The following MYH2 variants were observed in gnomAD, a reference collection of about 807,000 sequenced individuals.
MYH2 encodes the protein myosin-2.
A neutral mutation model predicts 228.1 loss-of-function variants in MYH2; 139 were observed. The ratio of observed to expected loss-of-function variants is 0.61; its 90% CI spans 0.53 to 0.70. MYH2 has a LOEUF of 0.70. Among genes scored for constraint, MYH2 ranks in the 30% least tolerant of loss-of-function variants. The probability of loss-of-function intolerance (pLI) is 0.00; values close to 1 mark genes in which losing one functional copy is unlikely to be tolerated. For synonymous variants in MYH2, 796 were observed against 871.1 expected (o/e 0.91, Z 1.52); for missense variants, 1,809 against 2,357.5 (o/e 0.77, Z 4.82).
At chr17:10,540,332 T>C (rs1319551951) in intron 11 of MYH2, among the ~76,000 whole-genome samples, 2 of 148,338 alleles carry the variant, frequency 1.3e-5, no homozygotes, top group South Asian at 2.2e-4. Context: ...TTTTGAGAGA[T>C]GGTAGGAATC....
rs540845374 is a variant in MYH2 at position 10,538,099 on chromosome 17, T to C, written c.1417-264A>G. Among the ~76,000 whole-genome samples the C allele has an allele frequency of 2.0e-5, 3 of 152,314 alleles. No homozygotes were observed. In the South Asian group the frequency reaches 6.2e-4, roughly 32 times the overall value. ...CTGCATTTGCTTAAGTTTATTCAGGTATTTTCCTGAGTACCTACTTAATCA... is the reference window on the plus strand; with the variant it reads ...CTGCATTTGCTTAAGTTTATTCAGGCATTTTCCTGAGTACCTACTTAATCA... On this transcript the variant is annotated intron_variant, in intron 14 of 39. Transcript: ENST00000245503.
At chr17:10,527,148 A>C in intron 28 of MYH2, 92 bp from the exon 29 acceptor site, 1 of 1,133,616 alleles carries the variant, frequency 8.8e-7, no homozygotes. Flanking sequence ...TTATTTTCCC[A>C]AATTGAGTGC....
At position 10,545,484 on chromosome 17, in the gene MYH2, A is replaced by C; in HGVS notation, c.367T>G (p.Cys123Gly). The stretch of plus-strand genomic sequence containing the variant: ...CACTTGTAGGGGTTGACAGTGACAC[A>C]GAAGAGACCTGAATAGGTCTATGAG... ...WMIYTYSGLF[C>G]VTVNPYKWLP... The change falls in exon 5 of 40, where the codon TGT becomes GGT. Residue 123 changes from cysteine to glycine, a missense_variant. Physicochemically the swap from Cys to Gly is radical, Grantham distance 159 (BLOSUM62 -3). This residue lies in a region of MYH2 where 373 missense variants were observed against 620.4 expected (regional missense o/e 0.60). Coordinates refer to ENST00000245503, the MANE Select transcript of MYH2 (RefSeq NM_017534.6). 1 of 1,614,094 alleles carries C rather than the reference A, an allele frequency of 6.2e-7. No individual in the cohort carries two copies. The highest frequency in any genetic ancestry group is 2.2e-5 in the East Asian group (1 of 44,888).
chr17:10,521,761 A>AT (rs896946425), intron 39 of MYH2, among the ~76,000 whole-genome samples: 110 of 152,166 alleles, frequency 7.2e-4, no homozygotes, highest in African/African-American at 2.6e-3. Context: ...TAAGATGATG[A>AT]TTTTCCCTTG....
chr17:10,528,823 T>C lies in MYH2; in HGVS notation c.3611A>G (p.Asp1204Gly), dbSNP rs2073386786. Reference protein sequence around the residue: ...TAATLRKKHADSVAELGEQID... With the variant: ...TAATLRKKHAGSVAELGEQID... Reference sequence around the variant, plus strand: ...CTGCTCCCCAAGCTCGGCCACACTATCTGCATGCTTCTTCCTCAGGGTGGC... The same window carrying C: ...CTGCTCCCCAAGCTCGGCCACACTACCTGCATGCTTCTTCCTCAGGGTGGC... The change falls in exon 27 of 40, where the codon GAT (aspartate) becomes GGT (glycine). Residue 1204 changes from aspartate (D) to glycine (G), a missense_variant. Physicochemically the swap from Asp to Gly is moderately conservative, Grantham distance 94. This residue lies in a region of MYH2 where 636 missense variants were observed against 729.9 expected (regional missense o/e 0.87). Coordinates refer to ENST00000245503, the MANE Select transcript of MYH2 (RefSeq NM_017534.6). 1 of 1,614,102 alleles carries C rather than the reference T, an allele frequency of 6.2e-7. No individual in the cohort carries two copies. Among genetic ancestry groups the C allele is most frequent in the Non-Finnish European group, 8.5e-7 (1 of 1,180,050 alleles).
At position 10,549,042 on chromosome 17, in the gene MYH2, C is replaced by T. The variant is rs980565707; in HGVS notation, c.-21+333G>A. On this transcript the variant is annotated intron_variant, in intron 2 of 39. Transcript: ENST00000245503. ...TTTACATTGTTGGACATTATGTTTA[C>T]TAAATGAATTCTAACAGCAGGATAC... Among the ~76,000 whole-genome samples the T allele has an allele frequency of 2.6e-5, 4 of 152,310 alleles. No homozygotes were observed. In the East Asian group the frequency reaches 7.7e-4, roughly 29 times the overall value.
At position 10,525,504 on chromosome 17, in the gene MYH2, T is replaced by A. The variant is rs1290009947; in HGVS notation, c.4484A>T (p.Glu1495Val). Residue 1495 changes from glutamate to valine, a missense_variant, in exon 32 of 40, where the codon GAG (glutamate) becomes GTG (valine). Glu to Val is a moderately radical substitution (Grantham distance 121, BLOSUM62 -2). Around this residue, in one of 9 missense-constraint regions of MYH2, gnomAD observed 636 missense variants for 729.9 expected, o/e 0.87. Coordinates refer to ENST00000245503, the MANE Select transcript of MYH2 (RefSeq NM_017534.6). The surrounding 1 kb of genome is among the most constrained non-coding windows in gnomAD (Gnocchi z 4.2). ...GGTTTCTAGCTGATCCAAAGATTCCTCATAGGCATTCTTTATCTTGAACAG... is the reference window on the plus strand; with the variant it reads ...GGTTTCTAGCTGATCCAAAGATTCCACATAGGCATTCTTTATCTTGAACAG... ...TELFKIKNAY[E>V]ESLDQLETLK... is the part of the protein sequence containing the mutation. 16 of 1,614,108 alleles carry A rather than the reference T, an allele frequency of 9.9e-6. No individual in the cohort carries two copies. Among genetic ancestry groups the A allele is most frequent in the Non-Finnish European group, 1.4e-5 (16 of 1,180,046 alleles).
intron 21 of MYH2, among the ~76,000 whole-genome samples, chr17:10,532,885 T>A (rs1242676665): frequency 6.6e-6 from 1 of 152,182 alleles, no homozygotes; most frequent in Non-Finnish European, 1.5e-5. Context: ...ATAATATAAA[T>A]GATCAGAGGG....
intron 22 of MYH2, among the ~76,000 whole-genome samples, chr17:10,531,324 A>G (rs983085672): frequency 2.6e-5 from 4 of 152,214 alleles, no homozygotes; most frequent in Non-Finnish European, 1.5e-5. Context: ...TTTATTTGGG[A>G]TTGTGTCATA....
intron 2 of MYH2, 23 bp from the exon 3 acceptor site, chr17:10,547,963 A>G: frequency 6.3e-7 from 1 of 1,591,690 alleles, no homozygotes; most frequent in Non-Finnish European, 8.6e-7. Context: ...AAACTTTCAC[A>G]TTAGAGAGTC....
chr17:10,527,693 T>C, intron 28 of MYH2, 55 bp downstream of exon 28: 1 of 1,612,442 alleles, frequency 6.2e-7, no homozygotes, highest in Non-Finnish European at 8.5e-7. Context: ...ATCAGTCCGT[T>C]GTTCTTAATC....
intron 19 of MYH2, among the ~76,000 whole-genome samples, chr17:10,534,091 A>G (rs1270310608): frequency 1.3e-5 from 2 of 152,246 alleles, no homozygotes; most frequent in African/African-American, 4.8e-5. Context: ...ATCCTCTGTC[A>G]GTGCCACCTG....
rs2073495858 is a variant in MYH2 at position 10,537,480 on chromosome 17, G to A, written c.1650C>T (p.Ser550=). 1 of 1,614,088 alleles carries A rather than the reference G, an allele frequency of 6.2e-7. No individual in the cohort carries two copies. The highest frequency in any genetic ancestry group is 1.3e-5 in the African/African-American group (1 of 74,932). Residue 550 remains serine, a synonymous_variant, in exon 16 of 40, where the codon TCC becomes TCT. Coordinates refer to ENST00000245503, the MANE Select transcript of MYH2 (RefSeq NM_017534.6). The surrounding 1 kb of genome is among the most constrained non-coding windows in gnomAD (Gnocchi z 4.0). The stretch of plus-strand genomic sequence containing the variant: ...GCTGGTCATACAGCTTGTTCTTGAA[G>A]GAGGTGTCTGTTGCCTTAGGGAACA... ...ECMFPKATDT[S]FKNKLYDQHL...
chr17:10,545,272 A>G lies in MYH2; in HGVS notation c.505+74T>C, dbSNP rs190213480. On this transcript the variant is annotated intron_variant, in intron 5 of 39. Transcript: ENST00000245503. ...GGACGATCTCAAGGAATGTGTTGAG[A>G]TTGCCTCGAGTCTCTTTCTCCTATG... 1.3e-4 allele frequency: 213 copies of G among 1,610,602 alleles called. 1 individual carries two copies. In the African/African-American group the frequency reaches 2.1e-3, roughly 16 times the overall value.
rs2073325119 is a variant in MYH2 at position 10,524,588 on chromosome 17, T to C, written c.5053A>G (p.Asn1685Asp). The C allele has an allele frequency of 1.2e-6, 2 of 1,614,206 alleles. No individual in the cohort carries two copies. Among genetic ancestry groups the C allele is most frequent in the Non-Finnish European group, 1.7e-6 (2 of 1,180,030 alleles). Residue 1685 changes from asparagine to aspartate, a missense_variant, in exon 35 of 40, where the codon AAC becomes GAC. Around this residue, in one of 9 missense-constraint regions of MYH2, gnomAD observed 75 missense variants for 131.2 expected, o/e 0.57. Transcript: ENST00000245503. The surrounding 1 kb of genome is among the most constrained non-coding windows in gnomAD (Gnocchi z 4.7). ...TCCTCGATCTCAGCCTGCAGCAGGT[T>C]GGCTCTGCGCTCCACCATGGCCAGC... Reference protein sequence around the residue: ...EQLAMVERRANLLQAEIEELR... With the variant: ...EQLAMVERRADLLQAEIEELR...
rs2073465789 is a variant in MYH2, at chr17:10,534,944, T to C, written c.2180+129A>G. 3.4e-6 allele frequency: 4 copies of C among 1,189,106 alleles called. No homozygotes were observed. The East Asian group carries it at 9.4e-5, about 28-fold the overall frequency. 73.7% of individuals were successfully genotyped at this position (1,189,106 alleles called of 1,614,324 possible). On this transcript the variant is annotated intron_variant, in intron 19 of 39. Transcript: ENST00000245503. Reference sequence around the variant, plus strand: ...AACAAAAGTGTTCGAGACTTGAGACTTGTAATTTTTTTACTTCTTTTTGTG... The same window carrying C: ...AACAAAAGTGTTCGAGACTTGAGACCTGTAATTTTTTTACTTCTTTTTGTG...
At chr17:10,532,001 T>A (rs1295256622) in intron 21 of MYH2, 113 bp from the exon 22 acceptor site, 27 of 1,305,388 alleles carry the variant, frequency 2.1e-5, no homozygotes, top group Non-Finnish European at 2.8e-5. Context: ...CTTTCAAACA[T>A]GCAGATGAAA....
In MYH2 at chr17:10,539,185, C is replaced by G. The variant is rs760290431; in HGVS notation, c.1416+20G>C. Reference sequence around the variant, plus strand: ...ATTGCCTTACTGTAAAATCCTCTCACCAATCAGCTACAAACTCACATCAAA... The same window carrying G: ...ATTGCCTTACTGTAAAATCCTCTCAGCAATCAGCTACAAACTCACATCAAA... On this transcript the variant is annotated intron_variant, in intron 14 of 39. Coordinates refer to ENST00000245503, the MANE Select transcript of MYH2 (RefSeq NM_017534.6). 20 of 1,614,016 alleles carry G rather than the reference C, an allele frequency of 1.2e-5. 1 individual carries two copies. The South Asian group carries it at 2.1e-4, about 17-fold the overall frequency.
intron 30 of MYH2, among the ~76,000 whole-genome samples, 174 bp downstream of exon 30, chr17:10,526,425 G>A (rs2142294998): frequency 6.6e-6 from 1 of 152,312 alleles, no homozygotes; most frequent in East Asian, 1.9e-4. Flanking sequence ...AGGATCGTAA[G>A]GCAGGGACCA....
Sources: gnomAD v4.1 joint callset for allele counts (sites outside exome capture counted in the v4.1 genomes callset) on GRCh38, gnomAD v4.1.1 for gene constraint, gnomAD v4.1.1 regional missense constraint, Gnocchi (gnomAD v3.1) non-coding constraint, MANE v1.5 for transcripts, NCBI Gene and HGNC (gene_info 2026-07-23, HGNC 2026-07-21) for gene names.